Variants in LMBR1 observed in about 807,000 individuals in gnomAD.
LMBR1 encodes the protein limb region 1 protein homolog.
Under a neutral mutation model 73.9 loss-of-function variants are expected in LMBR1, and 52 were observed. The observed-to-expected ratio is 0.70, with a 90% CI of 0.56 to 0.89. LMBR1 has a LOEUF of 0.89. LMBR1 is among the 40% of genes least tolerant of loss of function. The probability of loss-of-function intolerance (pLI) is 0.00; values close to 1 mark genes in which losing one functional copy is unlikely to be tolerated. For missense variants in LMBR1, 539 were observed against 579.8 expected (o/e 0.93, Z 0.72); for synonymous variants, 215 against 209.4 (o/e 1.03, Z -0.23).
Position 156,697,218 on chromosome 7 carries a change from A to G in LMBR1, c.1226-9027T>C, listed in dbSNP as rs560424839. On this transcript the variant is annotated intron_variant, in intron 15 of 16. Transcript: ENST00000353442. The stretch of plus-strand genomic sequence containing the variant: ...AACAGGGAGTAGGTACAAAGATCAC[A>G]TGCTTCAAAGGGCAAAAAGCAGAAC... 1.3e-3 allele frequency among the ~76,000 whole-genome samples: 193 copies of G among 152,228 alleles called. 2 individuals are homozygous for G. Among genetic ancestry groups the G allele is most frequent in the African/African-American group, 4.6e-3 (190 of 41,552 alleles).
chr7:156,838,352 T>A (rs1838036920), intron 1 of LMBR1, among the ~76,000 whole-genome samples: 1 of 152,312 alleles, frequency 6.6e-6, no homozygotes, highest in African/African-American at 2.4e-5. Flanking sequence ...TTTGTACCCT[T>A]TGACCAACAT....
intron 15 of LMBR1, among the ~76,000 whole-genome samples, chr7:156,688,546 G>T (rs1806455101): frequency 6.6e-6 from 1 of 151,962 alleles, no homozygotes; most frequent in African/African-American, 2.4e-5. Flanking sequence ...AGACAGGACG[G>T]CTGTAACTGA....
intron 1 of LMBR1, among the ~76,000 whole-genome samples, chr7:156,851,388 GA>G (rs1180706013): frequency 6.6e-6 from 1 of 152,118 alleles, no homozygotes; most frequent in Non-Finnish European, 1.5e-5. Context: ...CTTCCTCACA[GA>G]AAACACTAAG....
rs2131843940 is a variant in LMBR1 at position 156,683,981 on chromosome 7, G to T, written c.*97C>A. The T allele has an allele frequency of 6.1e-6, 6 of 979,622 alleles. No individual in the cohort carries two copies. The highest frequency in any genetic ancestry group is 2.5e-4 in the Middle Eastern group (1 of 4,046). 60.7% of individuals were successfully genotyped at this position (979,622 alleles called of 1,614,324 possible). On this transcript the variant is annotated 3_prime_UTR_variant, in exon 17 of 17. Coordinates refer to ENST00000353442, the MANE Select transcript of LMBR1 (RefSeq NM_022458.4). ...CTGATAGGTCTAGGTTCTGAAGAGG[G>T]GCCACGGTTGAATGGAAATGCTTCT... is the stretch of plus-strand genomic sequence containing the variant.
intron 8 of LMBR1, among the ~76,000 whole-genome samples, chr7:156,761,155 A>G (rs575496673): frequency 1.3e-4 from 20 of 152,336 alleles, no homozygotes; most frequent in Non-Finnish European, 2.1e-4. Context: ...AAACACAGGG[A>G]CAGCTAGAGG....
At chr7:156,756,324 T>C (rs917511250) in intron 9 of LMBR1, 69 bp downstream of exon 9, 1 of 792,308 alleles carries the variant, frequency 1.3e-6, no homozygotes, top group Non-Finnish European at 2.2e-6. Flanking sequence ...TTTTTTCTCT[T>C]CAATTATCTA....
At chr7:156,712,988 C>T (rs1812398426) in intron 15 of LMBR1, among the ~76,000 whole-genome samples, 1 of 152,128 alleles carries the variant, frequency 6.6e-6, no homozygotes, top group Non-Finnish European at 1.5e-5. Flanking sequence ...CAAAATTGCA[C>T]TTGTACCCCT....
intron 5 of LMBR1, among the ~76,000 whole-genome samples, chr7:156,774,611 C>T (rs1403013963): frequency 1.3e-5 from 2 of 152,150 alleles, no homozygotes; most frequent in Non-Finnish European, 2.9e-5. Flanking sequence ...GTGGGCAGAT[C>T]ATCTGAGGTC....
chr7:156,672,974 C>T (rs543463667), downstream of LMBR1, among the ~76,000 whole-genome samples: 7 of 152,370 alleles, frequency 4.6e-5, no homozygotes, highest in African/African-American at 7.2e-5. Flanking sequence ...GCTCACCCCG[C>T]GGACTGTGGC....
At chr7:156,888,085 T>C (rs574762185) in intron 1 of LMBR1, among the ~76,000 whole-genome samples, 73 of 152,328 alleles carry the variant, frequency 4.8e-4, no homozygotes, top group Middle Eastern at 3.4e-3. Context: ...GTACAGCCTC[T>C]GTGGAAAATG....
chr7:156,832,621 C>A (rs1359899884), intron 3 of LMBR1, among the ~76,000 whole-genome samples: 1 of 152,178 alleles, frequency 6.6e-6, no homozygotes, highest in African/African-American at 2.4e-5. Flanking sequence ...TACTTCATTT[C>A]TTTTACAGCT....
intron 4 of LMBR1, chr7:156,822,328 T>C (rs1483180302): frequency 6.6e-6 from 1 of 152,250 alleles, no homozygotes; most frequent in African/African-American, 2.4e-5. Context: ...AAACTAGACC[T>C]TGATATGGTC....
chr7:156,706,921 C>G (rs1204543135), intron 15 of LMBR1, among the ~76,000 whole-genome samples: 1 of 147,994 alleles, frequency 6.8e-6, no homozygotes, highest in East Asian at 2.0e-4. Flanking sequence ...AACCAAAAAA[C>G]AGTACAAAGG....
At chr7:156,850,099 G>A (rs977298889) in intron 1 of LMBR1, among the ~76,000 whole-genome samples, 2 of 152,242 alleles carry the variant, frequency 1.3e-5, no homozygotes, top group Non-Finnish European at 2.9e-5. Flanking sequence ...ATGCAACAGT[G>A]TTGAGGTGGG....
intron 4 of LMBR1, among the ~76,000 whole-genome samples, chr7:156,813,546 T>C (rs1428203983): frequency 6.6e-6 from 1 of 152,198 alleles, no homozygotes; most frequent in Non-Finnish European, 1.5e-5. Context: ...CTGCTCCCTA[T>C]TGTGAAATAT....
At chr7:156,725,382 G>A (rs1815518455) in intron 14 of LMBR1, 53 bp downstream of exon 14, 2 of 1,023,658 alleles carry the variant, frequency 2.0e-6, no homozygotes, top group East Asian at 4.8e-5. Context: ...AAATAAAGCA[G>A]TCTGTCAGGG....
At chr7:156,855,666 C>CAAAAAAAAAAAAAAAA (rs35231167) in intron 1 of LMBR1, among the ~76,000 whole-genome samples, 1 of 87,298 alleles carries the variant, frequency 1.1e-5, no homozygotes, top group Non-Finnish European at 2.2e-5. Context: ...AACGTAAATA[C>CAAAAAAAAAAAAAAAA]AAAAAAAAAA....
intron 15 of LMBR1, among the ~76,000 whole-genome samples, chr7:156,701,914 T>C (rs1260414726): frequency 6.6e-6 from 1 of 152,242 alleles, no homozygotes; most frequent in Non-Finnish European, 1.5e-5. Flanking sequence ...TTGCTGAGGA[T>C]AATGGCTTCC....
chr7:156,725,643 T>C, intron 13 of LMBR1, 118 bp from the exon 14 acceptor site: 9 of 1,217,578 alleles, frequency 7.4e-6, no homozygotes, highest in Non-Finnish European at 1.1e-5. Flanking sequence ...CTTTAAGTGC[T>C]TGAGGAAGAC....
Sources: gnomAD v4.1 joint callset for allele counts (sites outside exome capture counted in the v4.1 genomes callset) on GRCh38, gnomAD v4.1.1 for gene constraint, MANE v1.5 for transcripts, NCBI Gene and HGNC (gene_info 2026-07-23, HGNC 2026-07-21) for gene names.